PPL: variants seen among roughly 807,000 people sequenced by gnomAD.
The protein encoded by PPL is periplakin.
Under a neutral mutation model 194.4 loss-of-function variants are expected in PPL, and 198 were observed. That is an observed-to-expected ratio of 1.02 (90% confidence interval 0.91 to 1.15). PPL has a LOEUF of 1.15. PPL is among the 50% of genes most tolerant of loss of function. The probability of loss-of-function intolerance (pLI) is 0.00; values close to 1 mark genes in which losing one functional copy is unlikely to be tolerated. For missense variants in PPL, 2,885 were observed against 2,294.8 expected (o/e 1.26, Z -5.25); for synonymous variants, 1,220 against 972.4 (o/e 1.25, Z -4.74).
chr16:4,925,243 C>G (rs1375144715), intron 1 of PPL, among the ~76,000 whole-genome samples: 5 of 152,254 alleles, frequency 3.3e-5, no homozygotes, highest in Non-Finnish European at 7.3e-5. Context: ...GCCTGGAGGG[C>G]CAGCTTGGGG....
chr16:4,894,537 T>C lies in PPL; in HGVS notation c.1324A>G (p.Lys442Glu). The C allele has an allele frequency of 1.9e-6, 3 of 1,613,894 alleles. No individual in the cohort carries two copies. Among genetic ancestry groups the C allele is most frequent in the Non-Finnish European group, 2.5e-6 (3 of 1,179,944 alleles). Residue 442 changes from lysine to glutamate, a missense_variant, in exon 12 of 22, where the codon AAG becomes GAG. Lys to Glu is a moderately conservative substitution (Grantham distance 56, BLOSUM62 1). Coordinates refer to ENST00000345988, the MANE Select transcript of PPL (RefSeq NM_002705.5). ...SWELMDSAGN[K>E]LIAPAVCFVI... ...AAACACACGGCCGGAGCAATCAGCT[T>C]GTTCCCAGCGCTGTCCATGAGCTCC...
At chr16:4,914,765 C>T (rs1451798818) in intron 1 of PPL, among the ~76,000 whole-genome samples, 2 of 152,122 alleles carry the variant, frequency 1.3e-5, no homozygotes, top group Admixed American at 1.3e-4. Context: ...GAAGGCTTAG[C>T]AGTGGGGGGC....
intron 1 of PPL, among the ~76,000 whole-genome samples, chr16:4,928,656 G>T (rs1453168449): frequency 1.3e-5 from 2 of 152,226 alleles, no homozygotes; most frequent in Non-Finnish European, 2.9e-5. Context: ...GGTGGGAAAG[G>T]ATTCCAAGTT....
At chr16:4,918,253 A>G (rs7199468) in intron 1 of PPL, among the ~76,000 whole-genome samples, 9,528 of 150,846 alleles carry the variant, frequency 0.063, 822 homozygotes, top group African/African-American at 0.19. Context: ...AGATTGCACC[A>G]CTACACTCCA....
intron 13 of PPL, 83 bp from the exon 14 acceptor site, chr16:4,893,453 C>G: frequency 1.3e-6 from 2 of 1,588,052 alleles, no homozygotes; most frequent in Non-Finnish European, 1.7e-6. Context: ...CAGCCAGCCC[C>G]CCGCCGTCTC....
intron 1 of PPL, among the ~76,000 whole-genome samples, chr16:4,934,369 A>T (rs1236960491): frequency 6.6e-6 from 1 of 151,920 alleles, no homozygotes; most frequent in Non-Finnish European, 1.5e-5. Flanking sequence ...TGGGTATGAA[A>T]GTCACCACTT....
chr16:4,899,367 C>T lies in PPL; in HGVS notation c.624G>A (p.Arg208=), dbSNP rs150682442. 6.2e-7 allele frequency: 1 copy of T among 1,608,598 alleles called. No individual in the cohort carries two copies. The highest frequency in any genetic ancestry group is 8.5e-7 in the Non-Finnish European group (1 of 1,177,312). ...CCTGCAGCGAACTCAGGTGCTGCTG[C>T]CGGGCCTGTGATGCTGCCTGAAGGG... is the stretch of plus-strand genomic sequence containing the variant. ...YQKLLAASQA[R]QQHLSSLQDY... is the part of the protein sequence containing the mutation. Residue 208 remains arginine (R), a synonymous_variant, in exon 7 of 22, where the codon CGG becomes CGA. Transcript: ENST00000345988.
In PPL at chr16:4,893,214, T is replaced by C. The variant is rs1184817411; in HGVS notation, c.1649A>G (p.Lys550Arg). 1 of 1,560,440 alleles carries C rather than the reference T, an allele frequency of 6.4e-7. No individual in the cohort carries two copies. The highest frequency in any genetic ancestry group is 1.2e-5 in the South Asian group (1 of 86,776). The change falls in exon 14 of 22, where the codon AAG becomes AGG. Residue 550 changes from lysine to arginine, a missense_variant and splice_region_variant. Physicochemically the swap from Lys to Arg is conservative, Grantham distance 26 (BLOSUM62 2). Coordinates refer to ENST00000345988, the MANE Select transcript of PPL (RefSeq NM_002705.5). ...QDSAERAKDL[K>R]NITNELLRIE... ...CCTGTGCTCCTGACCCGCAGGTACCTTGAGGTCCTTGGCCCGCTCGGCACT... is the reference window on the plus strand; with the variant it reads ...CCTGTGCTCCTGACCCGCAGGTACCCTGAGGTCCTTGGCCCGCTCGGCACT...
chr16:4,902,587 G>T lies in PPL; in HGVS notation c.318-61C>A. 1 of 1,576,806 alleles carries T rather than the reference G, an allele frequency of 6.3e-7. No individual in the cohort carries two copies. Among genetic ancestry groups the T allele is most frequent in the Non-Finnish European group, 8.6e-7 (1 of 1,159,956 alleles). On this transcript the variant is annotated intron_variant, in intron 3 of 21. Transcript: ENST00000345988. This position sits in a 1 kb window ranked among gnomAD's most constrained non-coding sequence, Gnocchi z 4.0. ...TTGGCACTGCCTGCACCCCAGGAGG[G>T]GCCCCCCACCCAGACCCCGGCCTCA... is the stretch of plus-strand genomic sequence containing the variant.
chr16:4,932,245 C>G (rs1298780438), intron 1 of PPL, among the ~76,000 whole-genome samples: 1 of 140,006 alleles, frequency 7.1e-6, no homozygotes, highest in Non-Finnish European at 1.6e-5. Context: ...GCTGGGCTCA[C>G]AGTATGTGCC....
chr16:4,920,112 C>T (rs1436486357), intron 1 of PPL, among the ~76,000 whole-genome samples: 3 of 151,336 alleles, frequency 2.0e-5, no homozygotes, highest in African/African-American at 4.9e-5. Flanking sequence ...GGTGAAACTC[C>T]GTCTCTACTA....
In PPL at chr16:4,897,764, T is replaced by A. The variant is rs1412871634; in HGVS notation, c.883A>T (p.Met295Leu). The A allele has an allele frequency of 6.2e-7, 1 of 1,613,640 alleles. No homozygotes were observed. Reference sequence around the variant, plus strand: ...TTCCAGTCTGCGTGCACAGCCTCCATGTGCGCCTGCCAGGAAGAGAAGGGG... The same window carrying A: ...TTCCAGTCTGCGTGCACAGCCTCCAAGTGCGCCTGCCAGGAAGAGAAGGGG... Reference protein sequence around the residue: ...HPGRNSIEAHMEAVHADWKEY... With the variant: ...HPGRNSIEAHLEAVHADWKEY... Residue 295 changes from methionine to leucine, a missense_variant, in exon 9 of 22, where the codon ATG (methionine) becomes TTG (leucine). Coordinates refer to ENST00000345988, the MANE Select transcript of PPL (RefSeq NM_002705.5).
rs1244870518 is a variant in PPL at position 4,908,861 on chromosome 16, T to C, written c.162+1989A>G. On this transcript the variant is annotated intron_variant, in intron 2 of 21. Coordinates refer to ENST00000345988, the MANE Select transcript of PPL (RefSeq NM_002705.5). The stretch of plus-strand genomic sequence containing the variant: ...CGGCTCATGATTTTAATTCACTTTG[T>C]TATGCTTGTTTATCCATCGTGAAAT... 5.9e-5 allele frequency among the ~76,000 whole-genome samples: 9 copies of C among 152,248 alleles called. No homozygotes were observed. The East Asian group carries it at 9.6e-4, about 16-fold the overall frequency.
rs541223112 is a variant in PPL, at chr16:4,926,736, G to A, written c.62+10248C>T. 8.1e-4 allele frequency among the ~76,000 whole-genome samples: 123 copies of A among 152,016 alleles called. 1 individual carries two copies. Among genetic ancestry groups the A allele is most frequent in the South Asian group, 7.3e-3 (35 of 4,814 alleles). The stretch of plus-strand genomic sequence containing the variant: ...GATAAATACAAAAACAAAAATAGCC[G>A]GGCGTGGTGGCAGGCGTCTGTAGTC... On this transcript the variant is annotated intron_variant, in intron 1 of 21. Coordinates refer to ENST00000345988, the MANE Select transcript of PPL (RefSeq NM_002705.5).
At chr16:4,932,745 C>T (rs879830311) in intron 1 of PPL, among the ~76,000 whole-genome samples, 2 of 152,062 alleles carry the variant, frequency 1.3e-5, no homozygotes, top group Admixed American at 6.6e-5. Context: ...GCAGTGTGTG[C>T]TTCCTAGTAT....
At chr16:4,930,010 C>G (rs1182777898) in intron 1 of PPL, among the ~76,000 whole-genome samples, 1 of 152,132 alleles carries the variant, frequency 6.6e-6, no homozygotes, top group African/African-American at 2.4e-5. Flanking sequence ...TACATAGACA[C>G]ATCTGCATTC....
chr16:4,891,093 T>A (rs1344754910), intron 16 of PPL, among the ~76,000 whole-genome samples, 172 bp from the exon 17 acceptor site: 1 of 152,242 alleles, frequency 6.6e-6, no homozygotes, highest in Non-Finnish European at 1.5e-5. Flanking sequence ...TTCTGCCATC[T>A]TCTGTTTTTT....
chr16:4,889,235 G>GTT (rs2088271521), intron 18 of PPL, among the ~76,000 whole-genome samples, 174 bp from the exon 19 acceptor site: 2 of 18,710 alleles, frequency 1.1e-4, no homozygotes, highest in African/African-American at 2.9e-4. Flanking sequence ...TTTTTTTGTT[G>GTT]TTGTTGTTTT....
chr16:4,934,727 C>T (rs764455784), intron 1 of PPL, among the ~76,000 whole-genome samples: 2 of 152,154 alleles, frequency 1.3e-5, no homozygotes, highest in Admixed American at 6.5e-5. Context: ...AGCCTAGAGC[C>T]GCAAGTCTGT....
Sources: allele counts gnomAD v4.1 joint callset (sites outside exome capture counted in the v4.1 genomes callset), GRCh38; gene constraint gnomAD v4.1.1; non-coding constraint Gnocchi (gnomAD v3.1); transcripts MANE v1.5; gene names NCBI Gene and HGNC (gene_info 2026-07-23, HGNC 2026-07-21).